ATP8B4: variants seen among roughly 807,000 people sequenced by gnomAD.
The protein encoded by ATP8B4 is ATPase phospholipid transporting 8B4 (putative).
A neutral mutation model predicts 145.6 loss-of-function variants in ATP8B4; 133 were observed. The observed-to-expected ratio is 0.91, with a 90% CI of 0.79 to 1.05. The LOEUF is 1.05. Among genes scored for constraint, ATP8B4 ranks in the 50% least tolerant of loss-of-function variants. The pLI is 0.00. For synonymous variants in ATP8B4, 507 were observed against 492.9 expected, an observed-to-expected ratio of 1.03 and a Z score of -0.38; for missense variants, 1,458 against 1,425.2, an observed-to-expected ratio of 1.02 and a Z score of -0.37.
intron 6 of ATP8B4, among the ~76,000 whole-genome samples, chr15:50,036,925 T>C (rs2050883231): frequency 6.6e-6 from 1 of 152,180 alleles, no homozygotes; most frequent in African/African-American, 2.4e-5. Context: ...CATATTGAGT[T>C]ACAAAGAGAT....
At chr15:49,872,963 G>A (rs2033881220) in intron 25 of ATP8B4, among the ~76,000 whole-genome samples, 1 of 152,166 alleles carries the variant, frequency 6.6e-6, no homozygotes, top group Non-Finnish European at 1.5e-5. Context: ...AGAAAAGCTA[G>A]GTGAGGGTAT....
chr15:49,866,349 C>T lies in ATP8B4; in HGVS notation c.3163G>A (p.Val1055Ile). The T allele has an allele frequency of 6.2e-7, 1 of 1,613,710 alleles. No homozygotes were observed. The highest frequency in any genetic ancestry group is 8.5e-7 in the Non-Finnish European group (1 of 1,179,734). Residue 1055 changes from valine to isoleucine, a missense_variant, in exon 26 of 28, where the codon GTT becomes ATT. Coordinates refer to ENST00000284509, the MANE Select transcript of ATP8B4 (RefSeq NM_024837.4). ...FGIFPNQFPF[V>I]GNARHSLTQK... ...CTAGTCAACATGACTCACTTACCAA[C>T]AAATGGAAACTGGTTTGGGAAGATG...
At chr15:50,127,349 C>A (rs1270640097) in intron 1 of ATP8B4, among the ~76,000 whole-genome samples, 1 of 152,236 alleles carries the variant, frequency 6.6e-6, no homozygotes, top group Non-Finnish European at 1.5e-5. Context: ...CATGGGCAGG[C>A]AGATTAACTG....
At chr15:50,118,909 G>C (rs2057228426) in intron 1 of ATP8B4, among the ~76,000 whole-genome samples, 1 of 151,674 alleles carries the variant, frequency 6.6e-6, no homozygotes, top group Admixed American at 6.6e-5. Flanking sequence ...CAACAAAAAA[G>C]AAAATGTCAC....
chr15:50,110,940 G>T (rs2056909819), intron 1 of ATP8B4, among the ~76,000 whole-genome samples: 1 of 151,736 alleles, frequency 6.6e-6, no homozygotes, highest in Non-Finnish European at 1.5e-5. Context: ...TTTGGGTGTT[G>T]AATCTTGGTC....
At chr15:49,904,613 T>G (rs1389772984) in intron 20 of ATP8B4, among the ~76,000 whole-genome samples, 1 of 152,196 alleles carries the variant, frequency 6.6e-6, no homozygotes, top group African/African-American at 2.4e-5. Flanking sequence ...TTAAAGAATC[T>G]CTATGGCTTT....
rs531377890 is a variant in ATP8B4, at chr15:50,128,842, G to A, written c.-42-21834C>T. ...TGGGAGGCCAAGGTGGGCGGAGTTC[G>A]AGAACTCACAAGGTCAGGAGTTCGA... On this transcript the variant is annotated intron_variant, in intron 1 of 3. Transcript: ENST00000558829. Among the ~76,000 whole-genome samples the A allele has an allele frequency of 2.4e-3, 363 of 152,224 alleles. 3 individuals are homozygous for A. Among genetic ancestry groups the A allele is most frequent in the African/African-American group, 8.3e-3 (344 of 41,530 alleles).
intron 6 of ATP8B4, among the ~76,000 whole-genome samples, chr15:50,029,008 G>A (rs554865689): frequency 2.6e-5 from 4 of 152,034 alleles, no homozygotes; most frequent in East Asian, 3.9e-4. Context: ...GCCGAGGCAG[G>A]CGGATCATGA....
intron 2 of ATP8B4, among the ~76,000 whole-genome samples, chr15:50,085,149 C>T (rs1482568973): frequency 6.6e-6 from 1 of 152,200 alleles, no homozygotes; most frequent in South Asian, 2.1e-4. Flanking sequence ...CATTACCTCC[C>T]TGGCCTCACA....
intron 13 of ATP8B4, among the ~76,000 whole-genome samples, chr15:49,963,632 A>G (rs1024591776): frequency 2.6e-5 from 4 of 152,204 alleles, no homozygotes; most frequent in Non-Finnish European, 5.9e-5. Context: ...GCTGGAATCC[A>G]TCATCCTCAG....
At chr15:50,061,665 G>A (rs1011341088) in intron 3 of ATP8B4, among the ~76,000 whole-genome samples, 1 of 152,114 alleles carries the variant, frequency 6.6e-6, no homozygotes, top group African/African-American at 2.4e-5. Context: ...AGTCAGTTTA[G>A]GTTTAGATCT....
chr15:50,164,907 C>T (rs756707591), intron 1 of ATP8B4, among the ~76,000 whole-genome samples: 1 of 152,200 alleles, frequency 6.6e-6, no homozygotes, highest in Non-Finnish European at 1.5e-5. Flanking sequence ...CAAAGTCCTA[C>T]AATCACTGTG....
chr15:50,156,493 C>G (rs1020414321), intron 1 of ATP8B4, among the ~76,000 whole-genome samples: 2 of 152,036 alleles, frequency 1.3e-5, no homozygotes, highest in African/African-American at 4.8e-5. Context: ...CCATTTAATA[C>G]TCACCCCCTC....
At chr15:50,037,172 G>C (rs528340286) in intron 6 of ATP8B4, among the ~76,000 whole-genome samples, 8 of 152,284 alleles carry the variant, frequency 5.3e-5, no homozygotes, top group African/African-American at 1.7e-4. Flanking sequence ...ATATGCTAGA[G>C]TTATTAGTTC....
At chr15:50,165,361 G>A (rs572283099) in intron 1 of ATP8B4, among the ~76,000 whole-genome samples, 12 of 152,202 alleles carry the variant, frequency 7.9e-5, no homozygotes, top group South Asian at 6.2e-4. Context: ...CCCCTCTTCC[G>A]TTAATATGAT....
chr15:50,102,138 G>C (rs762010663), intron 2 of ATP8B4, among the ~76,000 whole-genome samples: 6 of 152,122 alleles, frequency 3.9e-5, no homozygotes, highest in Non-Finnish European at 8.8e-5. Context: ...ACATCAAAAA[G>C]TCTGAAAGAG....
At chr15:50,106,241 C>G (rs1261104247) in intron 2 of ATP8B4, among the ~76,000 whole-genome samples, 1 of 152,082 alleles carries the variant, frequency 6.6e-6, no homozygotes, top group Non-Finnish European at 1.5e-5. Context: ...AAGAAAACAG[C>G]CATAATAGGT....
At chr15:50,150,101 A>C (rs986297354) in intron 1 of ATP8B4, among the ~76,000 whole-genome samples, 2 of 147,706 alleles carry the variant, frequency 1.4e-5, no homozygotes, top group South Asian at 2.1e-4. Flanking sequence ...ACTCCGTCCC[A>C]AAAAAAAAAA....
chr15:49,862,921 C>T (rs372386457), intron 26 of ATP8B4, among the ~76,000 whole-genome samples: 9 of 152,192 alleles, frequency 5.9e-5, no homozygotes, highest in African/African-American at 2.2e-4. Flanking sequence ...ATATCACTCA[C>T]GGAGCACAAT....
Sources: gnomAD v4.1 joint callset for allele counts (sites outside exome capture counted in the v4.1 genomes callset) on GRCh38, gnomAD v4.1.1 for gene constraint, MANE v1.5 for transcripts, NCBI Gene and HGNC (gene_info 2026-07-23, HGNC 2026-07-21) for gene names.